Variants in SRC observed in about 807,000 individuals in gnomAD.
The protein encoded by SRC is SRC proto-oncogene, non-receptor tyrosine kinase.
In SRC, 13 loss-of-function variants were observed where a neutral mutation model predicts 62.9. That is an observed-to-expected ratio of 0.21 (90% CI 0.13 to 0.33). The LOEUF is 0.33. Ranked by LOEUF, SRC falls within the 10% of genes least tolerant of loss-of-function variation. The pLI is 1.00. For synonymous variants in SRC, 302 were observed against 317.5 expected, an observed-to-expected ratio of 0.95 and a Z score of 0.52; for missense variants, 457 against 737.3, an observed-to-expected ratio of 0.62 and a Z score of 4.40.
At chr20:37,369,253 A>G (rs1039863134) in intron 2 of SRC, among the ~76,000 whole-genome samples, 5 of 152,196 alleles carry the variant, frequency 3.3e-5, no homozygotes, top group Non-Finnish European at 5.9e-5. Flanking sequence ...GAGCAGACCA[A>G]TTGGGGAGTA....
At chr20:37,368,549 T>G (rs2070108978) in intron 2 of SRC, among the ~76,000 whole-genome samples, 3 of 140,970 alleles carry the variant, frequency 2.1e-5, no homozygotes, top group Admixed American at 2.1e-4. Flanking sequence ...TTTTTGTTTT[T>G]TTTTTTTTTG....
At chr20:37,352,062 C>A (rs1042722968) in intron 1 of SRC, among the ~76,000 whole-genome samples, 1 of 152,208 alleles carries the variant, frequency 6.6e-6, no homozygotes, top group African/African-American at 2.4e-5. Flanking sequence ...ATGGAAGTAG[C>A]AAAGCCTTTG....
At chr20:37,357,448 C>T (rs569848961) in intron 1 of SRC, among the ~76,000 whole-genome samples, 1 of 152,332 alleles carries the variant, frequency 6.6e-6, no homozygotes, top group South Asian at 2.1e-4. Flanking sequence ...CAGGTACTCA[C>T]TCCATGCTAG....
chr20:37,374,937 C>CTT (rs879291571), intron 2 of SRC, among the ~76,000 whole-genome samples: 1 of 143,296 alleles, frequency 7.0e-6, no homozygotes. Flanking sequence ...TTTTTCTATT[C>CTT]TTTTTTTTTT....
rs2070598292 is a variant in SRC, at chr20:37,394,109, G to A, written c.450-65G>A. On this transcript the variant is annotated intron_variant, in intron 6 of 13. Coordinates refer to ENST00000373578, the MANE Select transcript of SRC (RefSeq NM_198291.3). Reference sequence around the variant, plus strand: ...GTCCAGCGCCCCAGCCATATCCAGGGAGAAGCACTGTGAGTGGGCAGAAGC... The same window carrying A: ...GTCCAGCGCCCCAGCCATATCCAGGAAGAAGCACTGTGAGTGGGCAGAAGC... 7.0e-6 allele frequency: 11 copies of A among 1,569,890 alleles called. No homozygotes were observed. In the South Asian group the frequency reaches 1.1e-4, roughly 16 times the overall value.
At chr20:37,372,997 T>G (rs1281572214) in intron 2 of SRC, among the ~76,000 whole-genome samples, 24 of 152,042 alleles carry the variant, frequency 1.6e-4, no homozygotes, top group Admixed American at 1.4e-3. Flanking sequence ...GAAAATTCAT[T>G]ATCTTTTCCC....
intron 2 of SRC, among the ~76,000 whole-genome samples, chr20:37,382,340 C>G (rs866310315): frequency 3.9e-5 from 6 of 152,192 alleles, no homozygotes; most frequent in Middle Eastern, 3.2e-3. Flanking sequence ...TAAGGTTACA[C>G]AGCTATTTAG....
chr20:37,346,401 C>T (rs1452173368), intron 1 of SRC, 146 bp downstream of exon 1: 2 of 151,100 alleles, frequency 1.3e-5, no homozygotes, highest in African/African-American at 2.4e-5. Context: ...GGCCAAGCCG[C>T]GATACCCAAG....
chr20:37,377,028 T>G (rs79869535), intron 2 of SRC, among the ~76,000 whole-genome samples: 4,784 of 152,330 alleles, frequency 0.031, 128 homozygotes, highest in Non-Finnish European at 0.046. Context: ...GACAAGGTTT[T>G]AGTTTCTCTG....
intron 2 of SRC, among the ~76,000 whole-genome samples, chr20:37,371,124 G>A (rs2070159410): frequency 6.6e-6 from 1 of 151,872 alleles, no homozygotes; most frequent in African/African-American, 2.4e-5. Context: ...GAGTAGCTGG[G>A]ATTACAGGCA....
Position 37,397,725 on chromosome 20 carries a change from C to T in SRC, c.730C>T (p.Leu244Phe), listed in dbSNP as rs2070675912. The change falls in exon 9 of 14, where the codon CTC (leucine) becomes TTC (phenylalanine). Residue 244 changes from leucine to phenylalanine, a missense_variant. Transcript: ENST00000373578. This position sits in a 1 kb window ranked among gnomAD's most constrained non-coding sequence, Gnocchi z 4.1. Reference sequence around the variant, plus strand: ...ACACGCCGATGGCCTGTGCCACCGCCTCACCACCGTGTGCCCCACGTCCAA... The same window carrying T: ...ACACGCCGATGGCCTGTGCCACCGCTTCACCACCGTGTGCCCCACGTCCAA... The part of the protein sequence containing the change: ...SKHADGLCHR[L>F]TTVCPTSKPQ... 1 of 1,601,404 alleles carries T rather than the reference C, an allele frequency of 6.2e-7. No individual in the cohort carries two copies. The highest frequency in any genetic ancestry group is 8.5e-7 in the Non-Finnish European group (1 of 1,172,954).
rs962188012 is a variant in SRC, at chr20:37,405,008, A to G, written c.*1629A>G. On this transcript the variant is annotated 3_prime_UTR_variant, in exon 14 of 14. Coordinates refer to ENST00000373578, the MANE Select transcript of SRC (RefSeq NM_198291.3). ...ATGGCCCCCTCATCATAGCAATAAC[A>G]TTCCCACTGCCAGGGGTTCTTGAGC... 6 of 223,850 alleles carry G rather than the reference A, an allele frequency of 2.7e-5. No individual in the cohort carries two copies. Among genetic ancestry groups the G allele is most frequent in the Admixed American group, 2.3e-4 (4 of 17,258 alleles). The allele number at this position is 223,850 out of a possible 1,614,324, so 13.9% of individuals were successfully genotyped here.
chr20:37,392,808 G>A (rs2070573395), intron 5 of SRC, among the ~76,000 whole-genome samples: 1 of 152,062 alleles, frequency 6.6e-6, no homozygotes, highest in African/African-American at 2.4e-5. Flanking sequence ...CTTTGGATGT[G>A]AGGCCTCTGT....
At chr20:37,383,780 G>A (rs995425637) in intron 3 of SRC, 6 of 202,402 alleles carry the variant, frequency 3.0e-5, no homozygotes, top group Middle Eastern at 3.6e-3. Context: ...CGCCCAGGCT[G>A]GAGTGCAGTG....
intron 1 of SRC, among the ~76,000 whole-genome samples, chr20:37,364,338 G>T (rs1225322812): frequency 6.6e-6 from 1 of 152,184 alleles, no homozygotes; most frequent in African/African-American, 2.4e-5. Flanking sequence ...GCCCACCACA[G>T]AGGGTTGGGG....
intron 1 of SRC, among the ~76,000 whole-genome samples, chr20:37,361,119 G>T (rs1044032213): frequency 6.6e-6 from 1 of 152,036 alleles, no homozygotes; most frequent in Non-Finnish European, 1.5e-5. Context: ...TGAAAGGGGA[G>T]GTGGGTGGTG....
chr20:37,402,759 C>A lies in SRC; in HGVS notation c.1281C>A (p.Phe427Leu). ...TTCTCGTTCCTGCAGGTGCCAAATT[C>A]CCCATCAAGTGGACGGCTCCAGAAG... ...NEYTARQGAK[F>L]PIKWTAPEAA... The change falls in exon 13 of 14, where the codon TTC becomes TTA. Residue 427 changes from phenylalanine (F) to leucine (L), a missense_variant. By Grantham distance (22) the Phe-to-Leu change is conservative (BLOSUM62 0). This residue lies in a region of SRC where 168 missense variants were observed against 357.8 expected (regional missense o/e 0.47). Transcript: ENST00000373578. The surrounding 1 kb of genome is among the most constrained non-coding windows in gnomAD (Gnocchi z 6.2). The A allele has an allele frequency of 1.2e-6, 2 of 1,612,102 alleles. No individual in the cohort carries two copies. The highest frequency in any genetic ancestry group is 1.1e-5 in the South Asian group (1 of 90,812).
chr20:37,355,795 G>A (rs968521394), intron 1 of SRC, among the ~76,000 whole-genome samples: 12 of 152,336 alleles, frequency 7.9e-5, no homozygotes, highest in Admixed American at 2.6e-4. Flanking sequence ...AGAAGGGACC[G>A]TGTGCAAAAA....
At position 37,404,572 on chromosome 20, in the gene SRC, G is replaced by A. The variant is rs927914464; in HGVS notation, c.*1193G>A. On this transcript the variant is annotated 3_prime_UTR_variant, in exon 14 of 14. Transcript: ENST00000373578. ...TGAGGAGGGAAAAGAGTGCCTAAGC[G>A]GGGGTGAAAGAGGACGTGTTACCCA... 9 of 233,588 alleles carry A rather than the reference G, an allele frequency of 3.9e-5. No homozygotes were observed. Among genetic ancestry groups the A allele is most frequent in the Admixed American group, 2.2e-4 (4 of 17,778 alleles). 14.5% of individuals were successfully genotyped at this position (233,588 alleles called of 1,614,324 possible). A position where few individuals can be genotyped will look rare whatever the true frequency, so the allele number is the denominator to read the frequency against.
Sources: gnomAD v4.1 joint callset for allele counts (sites outside exome capture counted in the v4.1 genomes callset) on GRCh38, gnomAD v4.1.1 for gene constraint, gnomAD v4.1.1 regional missense constraint, Gnocchi (gnomAD v3.1) non-coding constraint, MANE v1.5 for transcripts, NCBI Gene and HGNC (gene_info 2026-07-23, HGNC 2026-07-21) for gene names.